The following SLC39A13 variants were observed in gnomAD, a reference collection of about 807,000 sequenced individuals.
The protein encoded by SLC39A13 is solute carrier family 39 member 13.
A neutral mutation model predicts 38.7 loss-of-function variants in SLC39A13; 18 were observed. The ratio of observed to expected loss-of-function variants is 0.47; its 90% CI spans 0.32 to 0.69. The LOEUF is 0.69. SLC39A13 is among the 30% of genes least tolerant of loss of function. The pLI is 0.03. For synonymous variants in SLC39A13, 212 were observed against 219.1 expected (o/e 0.97, Z 0.29); for missense variants, 395 against 490.7 (o/e 0.80, Z 1.84).
In SLC39A13 at chr11:47,415,462, G is replaced by T; in HGVS notation, c.*99G>T. Reference sequence around the variant, plus strand: ...AGAGGCAGAGAGGGCGAGTGGCTGCGAGAGAGAATGAGCCTCCCGCCAGAC... The same window carrying T: ...AGAGGCAGAGAGGGCGAGTGGCTGCTAGAGAGAATGAGCCTCCCGCCAGAC... On this transcript the variant is annotated 3_prime_UTR_variant, in exon 10 of 10. Transcript: ENST00000362021. 1 of 1,339,604 alleles carries T rather than the reference G, an allele frequency of 7.5e-7. No individual in the cohort carries two copies. The highest frequency in any genetic ancestry group is 1.2e-5 in the South Asian group (1 of 84,952). The allele number at this position is 1,339,604 out of a possible 1,614,324, so 83.0% of individuals were successfully genotyped here. A position where few individuals can be genotyped will look rare whatever the true frequency, so the allele number is the denominator to read the frequency against.
intron 3 of SLC39A13, 32 bp from the exon 4 acceptor site, chr11:47,412,314 C>G (rs1057418107): frequency 1.3e-6 from 2 of 1,599,808 alleles, no homozygotes; most frequent in African/African-American, 2.7e-5. Context: ...TTGGCTTGGC[C>G]TGGCCTGGCC....
intron 1 of SLC39A13, 182 bp from the exon 2 acceptor site, chr11:47,409,905 G>T: frequency 1.5e-6 from 1 of 654,344 alleles, no homozygotes; most frequent in Non-Finnish European, 2.7e-6. Flanking sequence ...CTCAGGAGTA[G>T]GGTGTGGAGA....
intron 5 of SLC39A13, 24 bp downstream of exon 5, chr11:47,413,531 T>G (rs756024747): frequency 1.2e-6 from 2 of 1,613,874 alleles, no homozygotes; most frequent in Non-Finnish European, 8.5e-7. Context: ...TCAGGGCCCC[T>G]GCAGCCGTAC....
intron 6 of SLC39A13, chr11:47,414,100 T>C: frequency 1.6e-6 from 1 of 608,258 alleles, no homozygotes; most frequent in Non-Finnish European, 2.9e-6. Context: ...CCTTGGGGCC[T>C]CGACTTACAT....
rs201008073 is a variant in SLC39A13, at chr11:47,415,197, A to C, written c.1040+38A>C. 32 of 1,612,158 alleles carry C rather than the reference A, an allele frequency of 2.0e-5. No homozygotes were observed. In the African/African-American group the frequency reaches 3.6e-4, roughly 18 times the overall value. On this transcript the variant is annotated intron_variant, in intron 9 of 9. Coordinates refer to ENST00000362021, the MANE Select transcript of SLC39A13 (RefSeq NM_001128225.3). ...TTGGAGGAAGAGGACTGCCACTCAC[A>C]GGGCCCTTAGGGGCTCAGGAGGGAA...
chr11:47,411,057 G>T (rs1392911625), intron 2 of SLC39A13, among the ~76,000 whole-genome samples: 1 of 152,182 alleles, frequency 6.6e-6, no homozygotes, highest in Non-Finnish European at 1.5e-5. Flanking sequence ...GCACAGAGAG[G>T]TTCTTTGACC....
Position 47,415,390 on chromosome 11 carries a change from C to G in SLC39A13, c.*27C>G. On this transcript the variant is annotated 3_prime_UTR_variant, in exon 10 of 10. Transcript: ENST00000362021. ...TTTCCCTGATGCCGACGCCCCTGCC[C>G]CCTGCAGCAATAAGATGCTCGGATT... The G allele has an allele frequency of 6.2e-7, 1 of 1,611,982 alleles. No homozygotes were observed. The highest frequency in any genetic ancestry group is 1.1e-5 in the South Asian group (1 of 91,058).
upstream of SLC39A13, chr11:47,407,620 C>T (rs1283083945): frequency 6.6e-6 from 1 of 152,236 alleles, no homozygotes; most frequent in Non-Finnish European, 1.5e-5. Flanking sequence ...CCAAGCCAGA[C>T]TCCCACTGCT....
At chr11:47,415,232 G>T in intron 9 of SLC39A13, 56 bp from the exon 10 acceptor site, 2 of 1,613,348 alleles carry the variant, frequency 1.2e-6, no homozygotes. Context: ...AGGGCTCCTG[G>T]CCGCTGCCTG....
At chr11:47,411,795 G>A in intron 2 of SLC39A13, 131 bp from the exon 3 acceptor site, 2 of 823,602 alleles carry the variant, frequency 2.4e-6, no homozygotes, top group Non-Finnish European at 4.0e-6. Context: ...GTGAGGTGGG[G>A]GACCCAGGAA....
Position 47,413,487 on chromosome 11 carries a change from G to A in SLC39A13, c.625G>A (p.Ala209Thr). ...GCCGGCTGCAGAGCCCGGCCTCGGT[G>A]CCGTGGTCCGGAGCATCAAAGTGAG... is the stretch of plus-strand genomic sequence containing the variant. The part of the protein sequence containing the change: ...AQPAAEPGLG[A>T]VVRSIKVSGY... Residue 209 changes from alanine (A) to threonine (T), a missense_variant, in exon 5 of 10, where the codon GCC becomes ACC. Transcript: ENST00000362021. 1.4e-5 allele frequency: 23 copies of A among 1,614,060 alleles called. No homozygotes were observed. The highest frequency in any genetic ancestry group is 1.9e-5 in the Non-Finnish European group (23 of 1,179,998).
intron 2 of SLC39A13, 87 bp downstream of exon 2, chr11:47,410,482 T>G: frequency 6.6e-7 from 1 of 1,509,118 alleles, no homozygotes; most frequent in African/African-American, 1.4e-5. Flanking sequence ...GGTCACAGAG[T>G]GTCTGAGATG....
At chr11:47,414,172 C>G in intron 6 of SLC39A13, 2 of 612,946 alleles carry the variant, frequency 3.3e-6, no homozygotes, top group Admixed American at 2.8e-5. Flanking sequence ...GGCCTGCTCC[C>G]CTGGGCACTC....
intron 2 of SLC39A13, among the ~76,000 whole-genome samples, chr11:47,410,816 G>A (rs575741129): frequency 1.1e-3 from 165 of 152,284 alleles, no homozygotes; most frequent in Non-Finnish European, 1.9e-3. Context: ...TGTTAGAAAC[G>A]AGCATCCCAG....
At chr11:47,410,477 CAG>C in intron 2 of SLC39A13, 82 bp downstream of exon 2, 1 of 1,527,662 alleles carries the variant, frequency 6.5e-7, no homozygotes, top group Non-Finnish European at 9.0e-7. Context: ...CCCCAGGTCA[CAG>C]AGTGTCTGAG....
At chr11:47,410,567 T>C (rs949778066) in intron 2 of SLC39A13, among the ~76,000 whole-genome samples, 172 bp downstream of exon 2, 1 of 152,054 alleles carries the variant, frequency 6.6e-6, no homozygotes, top group African/African-American at 2.4e-5. Flanking sequence ...TGGCTCTGGC[T>C]TCCCCAGGAA....
chr11:47,411,174 T>G (rs10742802), intron 2 of SLC39A13, among the ~76,000 whole-genome samples: 48,609 of 152,112 alleles, frequency 0.32, 8,442 homozygotes, highest in South Asian at 0.48. Flanking sequence ...GCCAAAGGGT[T>G]GGACATGGCT....
chr11:47,408,376 G>A (rs1050748597), upstream of SLC39A13, among the ~76,000 whole-genome samples: 1 of 152,070 alleles, frequency 6.6e-6, no homozygotes, highest in East Asian at 1.9e-4. Flanking sequence ...ACTTCCGACC[G>A]ACCCTCCCCT....
At position 47,410,358 on chromosome 11, in the gene SLC39A13, C is replaced by T. The variant is rs2095992135; in HGVS notation, c.264C>T (p.Val88=). 10 of 1,614,116 alleles carry T rather than the reference C, an allele frequency of 6.2e-6. No individual in the cohort carries two copies. Among genetic ancestry groups the T allele is most frequent in the Non-Finnish European group, 8.5e-6 (10 of 1,179,994 alleles). The change falls in exon 2 of 10, where the codon GTC becomes GTT. Residue 88 remains valine, a synonymous_variant. Transcript: ENST00000362021. The part of the protein sequence containing the change: ...VGLSGVFPLL[V]IPLEMGTMLR... ...TCAGTGGGGTCTTCCCGTTGCTTGT[C>T]ATTCCCCTAGAGATGGGGACCATGC...
Sources: gnomAD v4.1 joint callset for allele counts (sites outside exome capture counted in the v4.1 genomes callset) on GRCh38, gnomAD v4.1.1 for gene constraint, MANE v1.5 for transcripts, NCBI Gene and HGNC (gene_info 2026-07-23, HGNC 2026-07-21) for gene names.